RBMS3: variants seen among roughly 807,000 people sequenced by gnomAD.
RBMS3 encodes RNA binding motif single stranded interacting protein 3.
A neutral mutation model predicts 66.8 loss-of-function variants in RBMS3; 27 were observed. The observed-to-expected ratio is 0.40, with a 90% CI of 0.30 to 0.56. The LOEUF is 0.56. Ranked by LOEUF, RBMS3 falls within the 20% of genes least tolerant of loss-of-function variation. RBMS3 has a pLI of 0.40. For missense variants in RBMS3, 513 were observed against 549.5 expected (o/e 0.93, Z 0.66); for synonymous variants, 188 against 183.0 (o/e 1.03, Z -0.22).
intron 2 of RBMS3, among the ~76,000 whole-genome samples, chr3:29,470,051 GATT>G (rs1328200400): frequency 1.4e-5 from 2 of 147,190 alleles, no homozygotes; most frequent in Non-Finnish European, 3.0e-5. Flanking sequence ...ATAATATACT[GATT>G]ATATTTAATT....
rs188931082 is a variant in RBMS3 at position 29,386,442 on chromosome 3, C to A, written c.76-48301C>A. ...GATCCCACTATAACACCTCCCAACC[C>A]TTCCATACTACCAACATGTATATCC... On this transcript the variant is annotated intron_variant, in intron 1 of 14. Transcript: ENST00000383767. 5.5e-4 allele frequency among the ~76,000 whole-genome samples: 84 copies of A among 152,240 alleles called. 1 individual carries two copies. The highest frequency in any genetic ancestry group is 3.9e-3 in the Admixed American group (59 of 15,294).
intron 6 of RBMS3, among the ~76,000 whole-genome samples, chr3:29,801,225 T>C (rs2057377259): frequency 6.6e-6 from 1 of 151,960 alleles, no homozygotes; most frequent in African/African-American, 2.4e-5. Context: ...TCCATTGTGG[T>C]TTAACTATGT....
At chr3:29,950,103 T>A (rs1043737021) in intron 12 of RBMS3, among the ~76,000 whole-genome samples, 72 of 151,726 alleles carry the variant, frequency 4.7e-4, no homozygotes, top group Non-Finnish European at 3.1e-4. Context: ...TGCCATCCGA[T>A]TATAAGGGAA....
chr3:29,328,418 G>C (rs1239434792), intron 1 of RBMS3, among the ~76,000 whole-genome samples: 1 of 152,132 alleles, frequency 6.6e-6, no homozygotes, highest in Non-Finnish European at 1.5e-5. Flanking sequence ...AAGGACATTG[G>C]TATTACACAG....
At position 29,991,083 on chromosome 3, in the gene RBMS3, GTGT is replaced by G; in HGVS notation, c.1187_1189del (p.Val396del). On this transcript the variant is annotated inframe_deletion and splice_region_variant, in exon 14 of 15. Coordinates refer to ENST00000383767, the MANE Select transcript of RBMS3 (RefSeq NM_001003793.3). ...TTATGTTCTTATTTGCCTCCTTAGG[GTGT>G]TGTTGCTGATACCTCTCCCCAGACA... 1.2e-6 allele frequency: 2 copies of G among 1,614,038 alleles called. No homozygotes were observed. Among genetic ancestry groups the G allele is most frequent in the South Asian group, 2.2e-5 (2 of 91,072 alleles).
chr3:29,461,175 A>G (rs967475737), intron 2 of RBMS3, among the ~76,000 whole-genome samples: 1 of 151,852 alleles, frequency 6.6e-6, no homozygotes, highest in Non-Finnish European at 1.5e-5. Flanking sequence ...TGTGCGCTTC[A>G]TTTTATCTTA....
intron 4 of RBMS3, among the ~76,000 whole-genome samples, chr3:29,643,789 T>C (rs2049815332): frequency 6.6e-6 from 1 of 152,162 alleles, no homozygotes; most frequent in Non-Finnish European, 1.5e-5. Flanking sequence ...TCGTTGTCTC[T>C]GAATGTCAAG....
chr3:29,453,617 G>T (rs1010703930), intron 2 of RBMS3, among the ~76,000 whole-genome samples: 1 of 152,168 alleles, frequency 6.6e-6, no homozygotes, highest in Non-Finnish European at 1.5e-5. Context: ...TCTCCAGCAG[G>T]TTGTCCTGCA....
chr3:29,548,272 A>G (rs1422018278), intron 3 of RBMS3, among the ~76,000 whole-genome samples: 1 of 151,976 alleles, frequency 6.6e-6, no homozygotes, highest in Admixed American at 6.6e-5. Context: ...ACAAAATAGC[A>G]ATAAAAAAAA....
chr3:29,962,461 T>G (rs1422066832), intron 12 of RBMS3, among the ~76,000 whole-genome samples: 1 of 151,416 alleles, frequency 6.6e-6, no homozygotes, highest in Non-Finnish European at 1.5e-5. Context: ...TGAGGTGGGG[T>G]GTATGGGTAT....
intron 9 of RBMS3, among the ~76,000 whole-genome samples, chr3:29,899,377 T>A (rs796510300): frequency 2.0e-5 from 3 of 151,790 alleles, no homozygotes; most frequent in African/African-American, 7.2e-5. Context: ...AGGACATCCC[T>A]GAAAGCTGAT....
At chr3:29,565,611 T>C (rs932171596) in intron 3 of RBMS3, among the ~76,000 whole-genome samples, 2 of 152,178 alleles carry the variant, frequency 1.3e-5, no homozygotes, top group African/African-American at 4.8e-5. Context: ...AAGTCCTTTA[T>C]TGATCTGAAA....
At chr3:29,695,308 A>C (rs1019393323) in intron 4 of RBMS3, among the ~76,000 whole-genome samples, 31 of 152,214 alleles carry the variant, frequency 2.0e-4, no homozygotes, top group African/African-American at 7.5e-4. Context: ...AAAAAGGATT[A>C]GTGATACTAA....
chr3:29,622,856 C>T (rs911345027), intron 4 of RBMS3, among the ~76,000 whole-genome samples: 7 of 152,158 alleles, frequency 4.6e-5, no homozygotes, highest in African/African-American at 7.2e-5. Context: ...CGGTGGCTCA[C>T]AGCTGTAATC....
chr3:29,751,219 G>C (rs543829510), intron 5 of RBMS3, among the ~76,000 whole-genome samples: 1 of 152,196 alleles, frequency 6.6e-6, no homozygotes, highest in East Asian at 1.9e-4. Context: ...CAAAATTCTT[G>C]TTCTAAGGAG....
intron 6 of RBMS3, among the ~76,000 whole-genome samples, chr3:29,853,742 C>T (rs1284377087): frequency 1.2e-4 from 19 of 152,088 alleles, no homozygotes; most frequent in Non-Finnish European, 7.4e-5. Context: ...CTTAGTCAGC[C>T]TAGGAAATCC....
At chr3:29,907,078 T>C (rs550111377) in intron 10 of RBMS3, among the ~76,000 whole-genome samples, 37 of 152,274 alleles carry the variant, frequency 2.4e-4, no homozygotes, top group Non-Finnish European at 4.4e-4. Flanking sequence ...GGTTATTGGG[T>C]CATTTAAGGC....
chr3:29,712,388 C>T (rs2053211771), intron 4 of RBMS3, among the ~76,000 whole-genome samples: 1 of 152,144 alleles, frequency 6.6e-6, no homozygotes, highest in South Asian at 2.1e-4. Context: ...TCTTGGCTCA[C>T]TGCAACCTCT....
At chr3:29,424,570 T>C (rs1459292687) in intron 1 of RBMS3, among the ~76,000 whole-genome samples, 1 of 152,166 alleles carries the variant, frequency 6.6e-6, no homozygotes, top group Non-Finnish European at 1.5e-5. Flanking sequence ...TAGATTGGAT[T>C]GTATATGCTA....
Sources: gnomAD v4.1 joint callset for allele counts (sites outside exome capture counted in the v4.1 genomes callset) on GRCh38, gnomAD v4.1.1 for gene constraint, MANE v1.5 for transcripts, NCBI Gene and HGNC (gene_info 2026-07-23, HGNC 2026-07-21) for gene names.